SLC66A1: variants seen among roughly 807,000 people sequenced by gnomAD.
SLC66A1 encodes lysosomal amino acid transporter 1 homolog.
SLC66A1 carries 23 observed loss-of-function variants against 33.0 expected under a neutral mutation model. The ratio of observed to expected loss-of-function variants is 0.70; its 90% confidence interval spans 0.50 to 0.99. SLC66A1 has a LOEUF of 0.99. Ranked by LOEUF, SLC66A1 falls within the 50% of genes least tolerant of loss-of-function variation. SLC66A1 has a pLI of 0.00. For synonymous variants in SLC66A1, 164 were observed against 175.5 expected, an observed-to-expected ratio of 0.93 and a Z score of 0.52; for missense variants, 335 against 383.6, an observed-to-expected ratio of 0.87 and a Z score of 1.06.
rs778117116 is a variant in SLC66A1, at chr1:19,327,292, G to A, written c.684G>A (p.Thr228=). Residue 228 remains threonine, a synonymous_variant, in exon 7 of 8, where the codon ACG becomes ACA. Transcript: ENST00000375153. ...SLFALVMLGN[T]LYGLSVLLKN... is the part of the protein sequence containing the mutation. Reference sequence around the variant, plus strand: ...TCGCGCTGGTGATGCTGGGGAACACGCTGTATGGGCTGAGCGTGCTGCTCA... The same window carrying A: ...TCGCGCTGGTGATGCTGGGGAACACACTGTATGGGCTGAGCGTGCTGCTCA... 8 of 1,613,724 alleles carry A rather than the reference G, an allele frequency of 5.0e-6. No individual in the cohort carries two copies. The highest frequency in any genetic ancestry group is 2.2e-5 in the South Asian group (2 of 91,082).
chr1:19,315,457 G>A (rs2093800027), intron 1 of SLC66A1, among the ~76,000 whole-genome samples: 1 of 152,234 alleles, frequency 6.6e-6, no homozygotes, highest in South Asian at 2.1e-4. Flanking sequence ...CATTAGGGCT[G>A]AGGGTCTACG....
chr1:19,320,621 T>C (rs776124212), intron 2 of SLC66A1, among the ~76,000 whole-genome samples: 134 of 151,966 alleles, frequency 8.8e-4, no homozygotes, highest in Non-Finnish European at 1.4e-3. Flanking sequence ...TTCACCGTGT[T>C]AGCCAGGATG....
At chr1:19,324,888 G>A (rs981020154) in intron 3 of SLC66A1, 126 bp downstream of exon 3, 9 of 1,325,972 alleles carry the variant, frequency 6.8e-6, no homozygotes, top group Admixed American at 4.5e-5. Context: ...ATTCCATCTT[G>A]TGGGAGGGCC....
intron 1 of SLC66A1, among the ~76,000 whole-genome samples, chr1:19,317,167 A>G (rs2093810579): frequency 1.3e-5 from 2 of 152,096 alleles, no homozygotes; most frequent in Non-Finnish European, 1.5e-5. Context: ...AGTGTTCAAG[A>G]GTCATAGGAA....
At chr1:19,313,355 G>T (rs192989123) in intron 1 of SLC66A1, among the ~76,000 whole-genome samples, 25 of 151,826 alleles carry the variant, frequency 1.6e-4, no homozygotes, top group African/African-American at 5.8e-4. Context: ...TCTTCACTCT[G>T]TCCTTCTCTC....
At chr1:19,327,594 GGCACCCAGCT>G in intron 7 of SLC66A1, 182 bp downstream of exon 7, 1 of 796,100 alleles carries the variant, frequency 1.3e-6, no homozygotes, top group Non-Finnish European at 2.1e-6. Flanking sequence ...CTGTGTGCCA[GGCACCCAGCT>G]GGACCCTGGA....
At chr1:19,316,698 G>A (rs1219014095) in intron 1 of SLC66A1, among the ~76,000 whole-genome samples, 1 of 151,484 alleles carries the variant, frequency 6.6e-6, no homozygotes, top group African/African-American at 2.4e-5. Context: ...ACAGGGTCTT[G>A]CTCTGTCATC....
chr1:19,330,402 T>C (rs2093889228), downstream of SLC66A1, among the ~76,000 whole-genome samples: 1 of 152,126 alleles, frequency 6.6e-6, no homozygotes, highest in South Asian at 2.1e-4. Context: ...GCAGATCCTT[T>C]GTGAGCACAG....
chr1:19,334,441 C>T, the SLC66A1 span, among the ~76,000 whole-genome samples: 1 of 152,054 alleles, frequency 6.6e-6, no homozygotes, highest in African/African-American at 2.4e-5. Flanking sequence ...CATCTTGCAA[C>T]ATTATATTGA....
intron 6 of SLC66A1, 128 bp downstream of exon 6, chr1:19,326,751 T>C: frequency 9.8e-7 from 1 of 1,019,386 alleles, no homozygotes; most frequent in East Asian, 2.6e-5. Flanking sequence ...ACTCCCGCTG[T>C]TGGCTTGGGC....
chr1:19,327,313 G>T lies in SLC66A1; in HGVS notation c.705G>T (p.Leu235=), dbSNP rs1263274114. Residue 235 remains leucine (L), a synonymous_variant, in exon 7 of 8, where the codon CTG becomes CTT. Coordinates refer to ENST00000375153, the MANE Select transcript of SLC66A1 (RefSeq NM_001040125.2). The stretch of plus-strand genomic sequence containing the variant: ...ACACGCTGTATGGGCTGAGCGTGCT[G>T]CTCAAAAACCCCGAGGAGGGCCAGA... The part of the protein sequence containing the change: ...LGNTLYGLSV[L]LKNPEEGQSE... The T allele has an allele frequency of 2.5e-6, 4 of 1,613,634 alleles. No individual in the cohort carries two copies. The highest frequency in any genetic ancestry group is 3.4e-6 in the Non-Finnish European group (4 of 1,179,796).
chr1:19,316,284 A>G (rs1569734483), intron 1 of SLC66A1, among the ~76,000 whole-genome samples: 1 of 152,034 alleles, frequency 6.6e-6, no homozygotes, highest in East Asian at 1.9e-4. Context: ...CTTGTCATTC[A>G]TGCAACCCCG....
chr1:19,326,211 A>G (rs2093865298), intron 4 of SLC66A1, 34 bp from the exon 5 acceptor site: 3 of 1,576,384 alleles, frequency 1.9e-6, no homozygotes, highest in Non-Finnish European at 2.6e-6. Flanking sequence ...CCACTCAGCC[A>G]TCTAACCTCA....
intron 4 of SLC66A1, among the ~76,000 whole-genome samples, chr1:19,325,844 GCTC>G (rs1262198062): frequency 6.6e-6 from 1 of 152,208 alleles, no homozygotes; most frequent in Non-Finnish European, 1.5e-5. Flanking sequence ...CACAGCTCCA[GCTC>G]CTCCTCTGTG....
downstream of SLC66A1, among the ~76,000 whole-genome samples, chr1:19,329,845 G>C (rs2093887663): frequency 6.6e-6 from 1 of 152,156 alleles, no homozygotes; most frequent in South Asian, 2.1e-4. Flanking sequence ...ATGAGCGGGA[G>C]ATATCACAGG....
chr1:19,314,832 T>C (rs1053725004), intron 1 of SLC66A1, among the ~76,000 whole-genome samples: 1 of 152,102 alleles, frequency 6.6e-6, no homozygotes, highest in African/African-American at 2.4e-5. Flanking sequence ...GCTGAGAACA[T>C]GAGGACTTGA....
chr1:19,328,662 CAGG>C lies in SLC66A1; in HGVS notation c.*24_*26del, dbSNP rs1558155419. The C allele has an allele frequency of 5.0e-6, 8 of 1,611,458 alleles. No homozygotes were observed. The Middle Eastern group carries it at 5.0e-4, about 100-fold the overall frequency. On this transcript the variant is annotated 3_prime_UTR_variant, in exon 8 of 8. Coordinates refer to ENST00000375153, the MANE Select transcript of SLC66A1 (RefSeq NM_001040125.2). This position sits in a 1 kb window ranked among gnomAD's most constrained non-coding sequence, Gnocchi z 4.7. ...CAGCTGACCAGAACCAGGCTGAGCG[CAGG>C]AGGACAGGCACCACCGGATGCCACA...
Position 19,317,590 on chromosome 1 carries a change from C to T in SLC66A1, c.-78-10C>T, listed in dbSNP as rs2093812404. On this transcript the variant is annotated splice_polypyrimidine_tract_variant and intron_variant, in intron 1 of 7. Transcript: ENST00000375153. ...CCAGTGCTGAAAGCCTCCTCCCTTC[C>T]TCCCTGTAGAACCCTTGCTGGCCTC... 1 of 1,540,968 alleles carries T rather than the reference C, an allele frequency of 6.5e-7. No individual in the cohort carries two copies. The highest frequency in any genetic ancestry group is 1.4e-5 in the African/African-American group (1 of 72,906).
intron 6 of SLC66A1, 147 bp downstream of exon 6, chr1:19,326,770 C>A: frequency 1.2e-6 from 1 of 864,744 alleles, no homozygotes; most frequent in Non-Finnish European, 1.8e-6. Flanking sequence ...GCAAGTTAAT[C>A]CAATCTCCGA....
Sources: gnomAD v4.1 joint callset for allele counts (sites outside exome capture counted in the v4.1 genomes callset) on GRCh38, gnomAD v4.1.1 for gene constraint, Gnocchi (gnomAD v3.1) non-coding constraint, MANE v1.5 for transcripts, NCBI Gene and HGNC (gene_info 2026-07-23, HGNC 2026-07-21) for gene names.